Variants in CDKN2B observed in about 807,000 individuals in gnomAD.
CDKN2B encodes the protein cyclin-dependent kinase 4 inhibitor B.
A neutral mutation model predicts 7.7 loss-of-function variants in CDKN2B; 8 were observed. The observed-to-expected ratio is 1.04, with a 90% CI of 0.61 to 1.87. The LOEUF (loss-of-function observed/expected upper bound fraction) is 1.87. Among genes scored for constraint, CDKN2B ranks in the 40% most tolerant of loss-of-function variants. The pLI is 0.00. For synonymous variants in CDKN2B, 93 were observed against 95.8 expected (o/e 0.97, Z 0.17); for missense variants, 244 against 213.1 (o/e 1.15, Z -0.90).
rs1821369652 is a variant in CDKN2B, at chr9:22,009,264, G to T, written c.-311C>A. 6 of 523,418 alleles carry T rather than the reference G, an allele frequency of 1.1e-5. No individual in the cohort carries two copies. The South Asian group carries it at 1.3e-4, about 11-fold the overall frequency. 32.4% of individuals were successfully genotyped at this position (523,418 alleles called of 1,614,324 possible). On this transcript the variant is annotated 5_prime_UTR_variant, in exon 1 of 2. Coordinates refer to ENST00000276925, the MANE Select transcript of CDKN2B (RefSeq NM_004936.4). ...GCCGCTCTGGCCGCAGGGTGCGGAC[G>T]CGTCGCGGAGTCCTCACTGCCCCGC...
Position 22,006,261 on chromosome 9 carries a change from C to A in CDKN2B, c.157-14G>T, listed in dbSNP as rs1554662057. 6.2e-7 allele frequency: 1 copy of A among 1,602,018 alleles called. No individual in the cohort carries two copies. The highest frequency in any genetic ancestry group is 1.1e-5 in the South Asian group (1 of 91,068). On this transcript the variant is annotated splice_polypyrimidine_tract_variant and intron_variant, in intron 1 of 1. Transcript: ENST00000276925. This position sits in a 1 kb window ranked among gnomAD's most constrained non-coding sequence, Gnocchi z 6.4. ...CATCATCATGACCTGCCAGAGAGAG[C>A]AGAGTGGTCAGAGCCAGGGTGGGGG...
chr9:22,009,052 T>C lies in CDKN2B; in HGVS notation c.-99A>G. On this transcript the variant is annotated 5_prime_UTR_variant, in exon 1 of 2. Transcript: ENST00000276925. The stretch of plus-strand genomic sequence containing the variant: ...TTTCCCACGCTGCTCCGGCGCACTC[T>C]CTCCTTCCTAGGAGACCTGGGCTCA... The C allele has an allele frequency of 6.4e-7, 1 of 1,564,762 alleles. No individual in the cohort carries two copies. The highest frequency in any genetic ancestry group is 8.8e-7 in the Non-Finnish European group (1 of 1,138,758).
chr9:22,007,730 AAAAG>A (rs990520299), intron 1 of CDKN2B, among the ~76,000 whole-genome samples: 4 of 152,206 alleles, frequency 2.6e-5, no homozygotes, highest in Non-Finnish European at 5.9e-5. Context: ...TACATAGAAA[AAAAG>A]GGGAAAATAG....
chr9:22,007,918 T>C (rs1013678599), intron 1 of CDKN2B, among the ~76,000 whole-genome samples: 3 of 152,196 alleles, frequency 2.0e-5, no homozygotes, highest in Non-Finnish European at 2.9e-5. Flanking sequence ...TTCTTTAAAA[T>C]CTATACTATT....
rs556056796 is a variant in CDKN2B at position 22,004,330 on chromosome 9, T to C, written c.*1657A>G. 3.0e-4 allele frequency: 69 copies of C among 232,368 alleles called. No homozygotes were observed. The highest frequency in any genetic ancestry group is 4.7e-4 in the Non-Finnish European group (55 of 117,524). 14.4% of individuals were successfully genotyped at this position (232,368 alleles called of 1,614,324 possible). ...ATGACTTGTTTCTGTTCCTTTTTTC[T>C]CTTTTAAATGTGTATCTGGTAGAAT... On this transcript the variant is annotated 3_prime_UTR_variant, in exon 2 of 2. Coordinates refer to ENST00000276925, the MANE Select transcript of CDKN2B (RefSeq NM_004936.4).
At position 22,006,036 on chromosome 9, in the gene CDKN2B, C is replaced by T. The variant is rs1474891525; in HGVS notation, c.368G>A (p.Arg123Gln). Residue 123 changes from arginine (R) to glutamine (Q), a missense_variant, in exon 2 of 2, where the codon CGG (arginine) becomes CAG (glutamine). By Grantham distance (43) the Arg-to-Gln change is conservative (BLOSUM62 1). Transcript: ENST00000276925. This position sits in a 1 kb window ranked among gnomAD's most constrained non-coding sequence, Gnocchi z 6.4. The part of the protein sequence containing the change: ...GRLPVDLAEE[R>Q]GHRDVAGYLR... ...GTACCCTGCAACGTCGCGGTGGCCCCGCTCCTCGGCCAAGTCCACGGGCAG... is the reference window on the plus strand; with the variant it reads ...GTACCCTGCAACGTCGCGGTGGCCCTGCTCCTCGGCCAAGTCCACGGGCAG... 1.9e-6 allele frequency: 3 copies of T among 1,604,294 alleles called. No homozygotes were observed. The highest frequency in any genetic ancestry group is 1.7e-6 in the Non-Finnish European group (2 of 1,179,482).
rs796269304 is a variant in CDKN2B, at chr9:22,004,013, GA to G, written c.*1973del. On this transcript the variant is annotated 3_prime_UTR_variant, in exon 2 of 2. Coordinates refer to ENST00000276925, the MANE Select transcript of CDKN2B (RefSeq NM_004936.4). ...GCACTTCTTTGTGCATCCATGGAAT[GA>G]ATATCTTGTAACCTTTGGCAAGTTA... The G allele has an allele frequency of 5.7e-4, 133 of 232,754 alleles. No homozygotes were observed. Among genetic ancestry groups the G allele is most frequent in the African/African-American group, 2.6e-3 (119 of 45,448 alleles). The allele number at this position is 232,754 out of a possible 1,614,324, so 14.4% of individuals were successfully genotyped here. A position where few individuals can be genotyped will look rare whatever the true frequency, so the allele number is the denominator to read the frequency against.
At position 22,008,731 on chromosome 9, in the gene CDKN2B, C is replaced by T. The variant is rs201305174; in HGVS notation, c.156+67G>A. ...ACATCGGCGATCTAGGTTCCAGCCC[C>T]GATCCGCCGAGGCCGCGCCCCGCGT... is the stretch of plus-strand genomic sequence containing the variant. On this transcript the variant is annotated intron_variant, in intron 1 of 1. Coordinates refer to ENST00000276925, the MANE Select transcript of CDKN2B (RefSeq NM_004936.4). 1.4e-4 allele frequency: 219 copies of T among 1,610,866 alleles called. No individual in the cohort carries two copies. In the African/African-American group the frequency reaches 2.6e-3, roughly 19 times the overall value.
In CDKN2B at chr9:22,004,305, A is replaced by G. The variant is rs1455873564; in HGVS notation, c.*1682T>C. 1.3e-5 allele frequency: 3 copies of G among 232,174 alleles called. No individual in the cohort carries two copies. Among genetic ancestry groups the G allele is most frequent in the Admixed American group, 5.6e-5 (1 of 17,758 alleles). 14.4% of individuals were successfully genotyped at this position (232,174 alleles called of 1,614,324 possible). On this transcript the variant is annotated 3_prime_UTR_variant, in exon 2 of 2. Transcript: ENST00000276925. ...CCTTCTTATAAGTCTCCACTCTCAAATGACTTGTTTCTGTTCCTTTTTTCT... is the reference window on the plus strand; with the variant it reads ...CCTTCTTATAAGTCTCCACTCTCAAGTGACTTGTTTCTGTTCCTTTTTTCT...
At position 22,009,286 on chromosome 9, in the gene CDKN2B, C is replaced by T. The variant is rs1371669333; in HGVS notation, c.-333G>A. On this transcript the variant is annotated 5_prime_UTR_variant, in exon 1 of 2. Coordinates refer to ENST00000276925, the MANE Select transcript of CDKN2B (RefSeq NM_004936.4). ...GACGCGTCGCGGAGTCCTCACTGCCCCGCCTCGCTCTGGCAGAGTGGGGAG... is the reference window on the plus strand; with the variant it reads ...GACGCGTCGCGGAGTCCTCACTGCCTCGCCTCGCTCTGGCAGAGTGGGGAG... 5 of 479,812 alleles carry T rather than the reference C, an allele frequency of 1.0e-5. No homozygotes were observed. In the East Asian group the frequency reaches 1.6e-4, roughly 15 times the overall value. The allele number at this position is 479,812 out of a possible 1,614,324, so 29.7% of individuals were successfully genotyped here.
intron 1 of CDKN2B, among the ~76,000 whole-genome samples, chr9:22,007,580 T>C (rs979345863): frequency 1.3e-5 from 2 of 152,210 alleles, no homozygotes; most frequent in Non-Finnish European, 2.9e-5. Flanking sequence ...TATGGGTTTA[T>C]GCACTTTAAA....
chr9:22,008,699 C>G (rs754444716), intron 1 of CDKN2B, 99 bp downstream of exon 1: 1 of 1,611,252 alleles, frequency 6.2e-7, no homozygotes, highest in East Asian at 2.2e-5. Context: ...GACTCCTGTA[C>G]AAATCTACAT....
At position 22,008,919 on chromosome 9, in the gene CDKN2B, C is replaced by A. The variant is rs747263748; in HGVS notation, c.35G>T (p.Gly12Val). The A allele has an allele frequency of 6.2e-7, 1 of 1,612,922 alleles. No individual in the cohort carries two copies. Among genetic ancestry groups the A allele is most frequent in the Non-Finnish European group, 8.5e-7 (1 of 1,179,922 alleles). ...REENKGMPSG[G>V]GSDEGLASAA... ...GCTGGCCAGACCCTCATCGCTGCCGCCCCCACTGGGCATGCCCTTGTTCTC... is the reference window on the plus strand; with the variant it reads ...GCTGGCCAGACCCTCATCGCTGCCGACCCCACTGGGCATGCCCTTGTTCTC... Residue 12 changes from glycine (G) to valine (V), a missense_variant, in exon 1 of 2, where the codon GGC (glycine) becomes GTC (valine). Physicochemically the swap from Gly to Val is moderately radical, Grantham distance 109. Coordinates refer to ENST00000276925, the MANE Select transcript of CDKN2B (RefSeq NM_004936.4).
At chr9:22,008,603 C>T in intron 1 of CDKN2B, 195 bp downstream of exon 1, 2 of 1,509,132 alleles carry the variant, frequency 1.3e-6, no homozygotes, top group South Asian at 2.4e-5. Context: ...AAAGCTTAAA[C>T]AGTGGGTTTT....
Position 22,009,271 on chromosome 9 carries a change from G to A in CDKN2B, c.-318C>T. On this transcript the variant is annotated 5_prime_UTR_variant, in exon 1 of 2. Coordinates refer to ENST00000276925, the MANE Select transcript of CDKN2B (RefSeq NM_004936.4). Reference sequence around the variant, plus strand: ...TGGCCGCAGGGTGCGGACGCGTCGCGGAGTCCTCACTGCCCCGCCTCGCTC... The same window carrying A: ...TGGCCGCAGGGTGCGGACGCGTCGCAGAGTCCTCACTGCCCCGCCTCGCTC... 1.9e-6 allele frequency: 1 copy of A among 514,284 alleles called. No homozygotes were observed. 31.9% of individuals were successfully genotyped at this position (514,284 alleles called of 1,614,324 possible).
In CDKN2B at chr9:22,005,816, G is replaced by C; in HGVS notation, c.*171C>G. On this transcript the variant is annotated 3_prime_UTR_variant, in exon 2 of 2. Transcript: ENST00000276925. The surrounding 1 kb of genome is among the most constrained non-coding windows in gnomAD (Gnocchi z 4.9). The stretch of plus-strand genomic sequence containing the variant: ...GGCCAGATAAGACAAAGAAAAAAAT[G>C]TATGGAAGGTTATTCCCGGTCGGCT... 1.2e-6 allele frequency: 1 copy of C among 807,140 alleles called. No individual in the cohort carries two copies. The highest frequency in any genetic ancestry group is 2.0e-6 in the Non-Finnish European group (1 of 506,730). The allele number at this position is 807,140 out of a possible 1,614,324, so 50.0% of individuals were successfully genotyped here.
In CDKN2B at chr9:22,004,499, T is replaced by C. The variant is rs1209612558; in HGVS notation, c.*1488A>G. 1.3e-5 allele frequency: 3 copies of C among 232,496 alleles called. No homozygotes were observed. The highest frequency in any genetic ancestry group is 6.6e-5 in the African/African-American group (3 of 45,336). The allele number at this position is 232,496 out of a possible 1,614,324, so 14.4% of individuals were successfully genotyped here. ...AGGGAACCCCTGTGAACCTTTAACATTTCTCAGGAGTTAGTGGTAAACCCA... is the reference window on the plus strand; with the variant it reads ...AGGGAACCCCTGTGAACCTTTAACACTTCTCAGGAGTTAGTGGTAAACCCA... On this transcript the variant is annotated 3_prime_UTR_variant, in exon 2 of 2. Transcript: ENST00000276925.
rs1820991401 is a variant in CDKN2B, at chr9:22,003,051, A to G, written c.*2936T>C. ...ATTTTCTGTATTCCACAATGGAGCTAGAAGCAGGACTCATGAAAATAGTAA... is the reference window on the plus strand; with the variant it reads ...ATTTTCTGTATTCCACAATGGAGCTGGAAGCAGGACTCATGAAAATAGTAA... On this transcript the variant is annotated 3_prime_UTR_variant, in exon 2 of 2. Transcript: ENST00000276925. 5 of 211,536 alleles carry G rather than the reference A, an allele frequency of 2.4e-5. No individual in the cohort carries two copies. Among genetic ancestry groups the G allele is most frequent in the Non-Finnish European group, 3.8e-5 (4 of 104,496 alleles). 13.1% of individuals were successfully genotyped at this position (211,536 alleles called of 1,614,324 possible). A position where few individuals can be genotyped will look rare whatever the true frequency, so the allele number is the denominator to read the frequency against.
chr9:22,008,602 A>C (rs1821311507), intron 1 of CDKN2B, 196 bp downstream of exon 1: 21 of 1,508,484 alleles, frequency 1.4e-5, no homozygotes, highest in Non-Finnish European at 1.8e-5. Flanking sequence ...AAAAGCTTAA[A>C]CAGTGGGTTT....
Sources: allele counts gnomAD v4.1 joint callset (sites outside exome capture counted in the v4.1 genomes callset), GRCh38; gene constraint gnomAD v4.1.1; non-coding constraint Gnocchi (gnomAD v3.1); transcripts MANE v1.5; gene names NCBI Gene and HGNC (gene_info 2026-07-23, HGNC 2026-07-21).